ODAD2: variants seen among roughly 807,000 people sequenced by gnomAD.
The protein encoded by ODAD2 is outer dynein arm-docking complex subunit 2.
Under a neutral mutation model 106.8 loss-of-function variants are expected in ODAD2, and 89 were observed. The observed-to-expected ratio is 0.83, with a 90% CI of 0.70 to 0.99. The LOEUF (loss-of-function observed/expected upper bound fraction) is 0.99. Ranked by LOEUF, ODAD2 falls within the 50% of genes least tolerant of loss-of-function variation. The probability of loss-of-function intolerance (pLI) is 0.00; values close to 1 mark genes in which losing one functional copy is unlikely to be tolerated. For synonymous variants in ODAD2, 404 were observed against 436.2 expected, an observed-to-expected ratio of 0.93 and a Z score of 0.92; for missense variants, 1,168 against 1,238.5, an observed-to-expected ratio of 0.94 and a Z score of 0.85.
chr10:27,820,777 C>CTTTTTTTTTTTTTTTTTTTTTTTTTTTTT (rs72095120), intron 19 of ODAD2, among the ~76,000 whole-genome samples: 2 of 105,554 alleles, frequency 1.9e-5, no homozygotes, highest in African/African-American at 7.8e-5. Context: ...AGCCCAGCAA[C>CTTTTTTTTTTTTTTTTTTTTTTTTTTTTT]TTTTTTTTTT....
intron 1 of ODAD2, among the ~76,000 whole-genome samples, chr10:27,995,421 AATTTCCCTAGGGCCTAAGAGAGAGG>A (rs1222346879): frequency 2.0e-5 from 3 of 152,154 alleles, no homozygotes. Flanking sequence ...ACTTCTTTCT[AATTTCCCTAGGGCCTAAGAGAGAGG>A]ATTCAAACAG....
At chr10:27,866,107 C>A (rs1279921652) in intron 17 of ODAD2, among the ~76,000 whole-genome samples, 2 of 152,170 alleles carry the variant, frequency 1.3e-5, no homozygotes, top group Non-Finnish European at 2.9e-5. Context: ...TATTACACTT[C>A]TATGCATTAG....
intron 16 of ODAD2, among the ~76,000 whole-genome samples, chr10:27,915,787 C>T (rs962628240): frequency 3.3e-5 from 5 of 152,124 alleles, no homozygotes; most frequent in African/African-American, 1.2e-4. Context: ...GTAAGTGGAG[C>T]ACACAAAACC....
intron 16 of ODAD2, among the ~76,000 whole-genome samples, chr10:27,924,614 G>GAAAAAAAAAAAAAAAAAAAAAAA (rs60226782): frequency 7.9e-5 from 1 of 12,648 alleles, no homozygotes; most frequent in Non-Finnish European, 1.5e-4. Flanking sequence ...TGATTAGGAG[G>GAAAAAAAAAAAAAAAAAAAAAAA]AAAAAAAAAA....
At chr10:27,897,716 G>A (rs937161421) in intron 17 of ODAD2, among the ~76,000 whole-genome samples, 1 of 152,148 alleles carries the variant, frequency 6.6e-6, no homozygotes, top group Non-Finnish European at 1.5e-5. Flanking sequence ...ACAAGAGAGG[G>A]CAGTTCCTGG....
chr10:27,838,132 C>A (rs551604586), intron 19 of ODAD2, among the ~76,000 whole-genome samples: 1 of 152,068 alleles, frequency 6.6e-6, no homozygotes, highest in African/African-American at 2.4e-5. Flanking sequence ...AAAACTCCAA[C>A]GTACTAATTC....
At chr10:27,944,503 C>G in intron 11 of ODAD2, 72 bp from the exon 12 acceptor site, 1 of 1,352,366 alleles carries the variant, frequency 7.4e-7, no homozygotes, top group Non-Finnish European at 1.0e-6. Flanking sequence ...CCGAGTATAC[C>G]TAAAATCCTT....
At chr10:27,878,287 T>C (rs570281002) in intron 17 of ODAD2, among the ~76,000 whole-genome samples, 92 of 152,140 alleles carry the variant, frequency 6.0e-4, no homozygotes, top group African/African-American at 1.9e-3. Flanking sequence ...ACAAATAAGA[T>C]GAAAAATATA....
intron 16 of ODAD2, among the ~76,000 whole-genome samples, chr10:27,923,048 C>T (rs763489219): frequency 6.6e-6 from 1 of 151,960 alleles, no homozygotes; most frequent in Non-Finnish European, 1.5e-5. Context: ...AAATGCAAAC[C>T]TTTCTAAAGA....
chr10:27,834,232 C>G (rs918395754), intron 19 of ODAD2, among the ~76,000 whole-genome samples: 1 of 152,162 alleles, frequency 6.6e-6, no homozygotes, highest in African/African-American at 2.4e-5. Context: ...GTTGTTTTCC[C>G]TGGCGTAACA....
chr10:27,836,318 T>C (rs1837885644), intron 19 of ODAD2, among the ~76,000 whole-genome samples: 1 of 152,154 alleles, frequency 6.6e-6, no homozygotes, highest in South Asian at 2.1e-4. Context: ...CTGGGTGACT[T>C]GGCAGCAGAA....
At chr10:27,813,403 T>G (rs1835891062) in intron 19 of ODAD2, 1 of 152,242 alleles carries the variant, frequency 6.6e-6, no homozygotes, top group South Asian at 2.1e-4. Context: ...CAACAGATAA[T>G]TGGCTTAATG....
chr10:27,992,491 C>T (rs149067969), intron 2 of ODAD2, among the ~76,000 whole-genome samples: 4 of 152,128 alleles, frequency 2.6e-5, no homozygotes, highest in Admixed American at 6.5e-5. Flanking sequence ...AAGTACAAGA[C>T]CAGTCAGAGC....
rs533148399 is a variant in ODAD2 at position 27,924,842 on chromosome 10, C to A, written c.2495+10168G>T. ...CAGTAGAATAAAAAACATAAATAGA[C>A]CACTTTACATAGAAGAACTAGAGAA... On this transcript the variant is annotated intron_variant, in intron 16 of 19. Transcript: ENST00000305242. 4.0e-5 allele frequency among the ~76,000 whole-genome samples: 6 copies of A among 151,278 alleles called. No homozygotes were observed. In the East Asian group the frequency reaches 1.2e-3, roughly 29 times the overall value.
chr10:27,869,469 T>C (rs1840693561), intron 17 of ODAD2, among the ~76,000 whole-genome samples: 1 of 151,422 alleles, frequency 6.6e-6, no homozygotes, highest in African/African-American at 2.4e-5. Flanking sequence ...GTACAACTTC[T>C]GGACTTAAAA....
chr10:27,971,389 T>C, intron 7 of ODAD2, 76 bp from the exon 8 acceptor site: 2 of 1,262,802 alleles, frequency 1.6e-6, no homozygotes, highest in Non-Finnish European at 2.2e-6. Context: ...ATGCCAGTGG[T>C]AAATTCAGGA....
chr10:27,841,607 G>C (rs2133114284), intron 19 of ODAD2, among the ~76,000 whole-genome samples: 1 of 151,890 alleles, frequency 6.6e-6, no homozygotes, highest in East Asian at 1.9e-4. Flanking sequence ...TGTTGGCCAG[G>C]CTGGTCTTGA....
Position 27,995,949 on chromosome 10 carries a change from A to G in ODAD2, c.-38-769T>C, listed in dbSNP as rs148523965. 1.1e-3 allele frequency among the ~76,000 whole-genome samples: 169 copies of G among 152,330 alleles called. 1 individual carries two copies. Among genetic ancestry groups the G allele is most frequent in the Admixed American group, 0.01 (155 of 15,302 alleles). The stretch of plus-strand genomic sequence containing the variant: ...TAAGTGAGACTCTTTCAGCCTTTTT[A>G]TCTAAATTAGTTATCAGAAGAGTCT... On this transcript the variant is annotated intron_variant, in intron 1 of 19. Coordinates refer to ENST00000305242, the MANE Select transcript of ODAD2 (RefSeq NM_018076.5).
At chr10:27,966,788 G>A (rs1323084077) in intron 9 of ODAD2, among the ~76,000 whole-genome samples, 2 of 151,758 alleles carry the variant, frequency 1.3e-5, no homozygotes, top group African/African-American at 4.8e-5. Flanking sequence ...AAATACTTTC[G>A]GCCCAATATC....
Sources: gnomAD v4.1 joint callset for allele counts (sites outside exome capture counted in the v4.1 genomes callset) on GRCh38, gnomAD v4.1.1 for gene constraint, MANE v1.5 for transcripts, NCBI Gene and HGNC (gene_info 2026-07-23, HGNC 2026-07-21) for gene names.